The following POLG variants were observed in gnomAD, a reference collection of about 807,000 sequenced individuals.
POLG encodes the protein DNA polymerase subunit gamma-1.
A neutral mutation model predicts 155.4 loss-of-function variants in POLG; 110 were observed. That is an observed-to-expected ratio of 0.71 (90% CI 0.61 to 0.83). The LOEUF is 0.83. Among genes scored for constraint, POLG ranks in the 40% least tolerant of loss-of-function variants. The pLI, the probability that POLG is intolerant of heterozygous loss-of-function variation, is 0.00. For synonymous variants in POLG, 701 were observed against 631.5 expected (o/e 1.11, Z -1.65); for missense variants, 1,685 against 1,627.5 (o/e 1.04, Z -0.61).
chr15:89,321,722 C>A lies in POLG; in HGVS notation c.2598+14G>T. 1 of 1,579,966 alleles carries A rather than the reference C, an allele frequency of 6.3e-7. No homozygotes were observed. Among genetic ancestry groups the A allele is most frequent in the Non-Finnish European group, 8.7e-7 (1 of 1,149,480 alleles). ...AGAGGAAGAGCAGGGGCCAGAGGTACAGAGGTCACATACCCGGGCATTGCT... is the reference window on the plus strand; with the variant it reads ...AGAGGAAGAGCAGGGGCCAGAGGTAAAGAGGTCACATACCCGGGCATTGCT... On this transcript the variant is annotated intron_variant, in intron 16 of 22. Transcript: ENST00000268124.
intron 10 of POLG, 148 bp downstream of exon 10, chr15:89,325,302 G>GTGTGTGTT: frequency 1.5e-6 from 1 of 681,672 alleles, no homozygotes; most frequent in Non-Finnish European, 2.6e-6. Context: ...GAGAGAGGGT[G>GTGTGTGTT]TGTGTGTGTG....
At chr15:89,327,687 T>C (rs1027345214) in intron 6 of POLG, among the ~76,000 whole-genome samples, 12 of 152,208 alleles carry the variant, frequency 7.9e-5, no homozygotes, top group African/African-American at 2.4e-4. Flanking sequence ...AAAAACATCA[T>C]GCCTGAACCT....
rs796052885 is a variant in POLG at position 89,323,454 on chromosome 15, A to G, written c.2215T>C (p.Tyr739His). 6 of 1,613,934 alleles carry G rather than the reference A, an allele frequency of 3.7e-6. No individual in the cohort carries two copies. In the Admixed American group the frequency reaches 8.3e-5, roughly 22 times the overall value. The part of the protein sequence containing the change: ...QPSYHHGNGP[Y>H]NDVDIPGCWF... ...CAGCCAGGGATGTCCACGTCGTTGT[A>G]AGGTCCATTGCCATGGTGATAGCTG... Residue 739 changes from tyrosine to histidine, a missense_variant, in exon 13 of 23, where the codon TAC becomes CAC. Tyr to His is a moderately conservative substitution (Grantham distance 83). Around this residue, in one of 3 missense-constraint regions of POLG, gnomAD observed 1,210 missense variants for 1,167.1 expected, o/e 1.04. Coordinates refer to ENST00000268124, the MANE Select transcript of POLG (RefSeq NM_002693.3).
In POLG at chr15:89,318,990, T is replaced by A. The variant is rs1237483748; in HGVS notation, c.3214A>T (p.Thr1072Ser). The A allele has an allele frequency of 6.2e-7, 1 of 1,614,038 alleles. No homozygotes were observed. The highest frequency in any genetic ancestry group is 1.1e-5 in the South Asian group (1 of 91,072). ...CTGATGCAGCAGCCCAGCACCGGGG[T>A]ACGTGGTATGTCAGACGTAGCAATG... ...ESIATSDIPRTPVLGCCISRA... is the reference protein window; with the variant it reads ...ESIATSDIPRSPVLGCCISRA... Residue 1072 changes from threonine to serine, a missense_variant, in exon 20 of 23, where the codon ACC becomes TCC. Thr to Ser is a moderately conservative substitution (Grantham distance 58). Around this residue, in one of 3 missense-constraint regions of POLG, gnomAD observed 470 missense variants for 439.9 expected, o/e 1.07. Coordinates refer to ENST00000268124, the MANE Select transcript of POLG (RefSeq NM_002693.3).
In POLG at chr15:89,328,952, T is replaced by G; in HGVS notation, c.1014A>C (p.Arg338Ser). 1 of 1,614,102 alleles carries G rather than the reference T, an allele frequency of 6.2e-7. No individual in the cohort carries two copies. The highest frequency in any genetic ancestry group is 8.5e-7 in the Non-Finnish European group (1 of 1,180,040). Residue 338 changes from arginine to serine, a missense_variant, in exon 4 of 23, where the codon AGA becomes AGC. By Grantham distance (110) the Arg-to-Ser change is moderately radical. Around this residue, in one of 3 missense-constraint regions of POLG, gnomAD observed 1,210 missense variants for 1,167.1 expected, o/e 1.04. Transcript: ENST00000268124. The stretch of plus-strand genomic sequence containing the variant: ...GGCAGTGTGCTCTCACCGCTGGGCC[T>G]CTTCTGGCTTTCCTCTGGGACTTCT... ...QGQKSQRKAR[R>S]GPAISSWDWL...
chr15:89,320,131 C>A (rs1319840555), intron 18 of POLG, among the ~76,000 whole-genome samples: 1 of 152,264 alleles, frequency 6.6e-6, no homozygotes, highest in East Asian at 1.9e-4. Flanking sequence ...TTATCACATA[C>A]TTAACTTTTA....
intron 20 of POLG, 68 bp from the exon 21 acceptor site, chr15:89,318,817 C>A (rs958729328): frequency 1.9e-6 from 3 of 1,556,496 alleles, no homozygotes; most frequent in Non-Finnish European, 2.7e-6. Context: ...AGGGTAGAAG[C>A]CCCAAGAGAA....
At chr15:89,320,150 C>T (rs924517340) in intron 18 of POLG, among the ~76,000 whole-genome samples, 23 of 152,154 alleles carry the variant, frequency 1.5e-4, no homozygotes, top group East Asian at 9.6e-4. Flanking sequence ...TAGTTGTTGA[C>T]GAGAAAGTGA....
At chr15:89,327,502 C>G (rs2055538647) in intron 6 of POLG, among the ~76,000 whole-genome samples, 153 bp from the exon 7 acceptor site, 1 of 152,208 alleles carries the variant, frequency 6.6e-6, no homozygotes. Context: ...TGTTACTCAT[C>G]CCTGGGTAAG....
intron 1 of POLG, chr15:89,334,147 A>T (rs1018478443): frequency 3.0e-6 from 1 of 335,178 alleles, no homozygotes; most frequent in Admixed American, 4.7e-5. Context: ...CGAGTAAGAG[A>T]GCAGTATCTG....
intron 2 of POLG, among the ~76,000 whole-genome samples, chr15:89,330,596 G>C (rs1001205255): frequency 2.0e-5 from 3 of 152,170 alleles, no homozygotes; most frequent in African/African-American, 7.2e-5. Context: ...CGTTCACTGA[G>C]TCTGCATCTA....
At position 89,324,231 on chromosome 15, in the gene POLG, G is replaced by T; in HGVS notation, c.1950-4C>A. Reference sequence around the variant, plus strand: ...CCTGTACAGGGACTCGATGGCTCTGGGCAGAGAACAGTAGCAGCAGCAGCC... The same window carrying T: ...CCTGTACAGGGACTCGATGGCTCTGTGCAGAGAACAGTAGCAGCAGCAGCC... On this transcript the variant is annotated splice_polypyrimidine_tract_variant and splice_region_variant and intron_variant, in intron 10 of 22. Coordinates refer to ENST00000268124, the MANE Select transcript of POLG (RefSeq NM_002693.3). 6.2e-7 allele frequency: 1 copy of T among 1,612,126 alleles called. No individual in the cohort carries two copies. Among genetic ancestry groups the T allele is most frequent in the Non-Finnish European group, 8.5e-7 (1 of 1,180,018 alleles).
chr15:89,333,106 G>C lies in POLG; in HGVS notation c.649C>G (p.Pro217Ala). The change falls in exon 2 of 23, where the codon CCC (proline) becomes GCC (alanine). Residue 217 changes from proline (P) to alanine (A), a missense_variant. By Grantham distance (27) the Pro-to-Ala change is conservative. This residue lies in a region of POLG where 1,210 missense variants were observed against 1,167.1 expected (regional missense o/e 1.04). Coordinates refer to ENST00000268124, the MANE Select transcript of POLG (RefSeq NM_002693.3). ...TCPTLAVAIS[P>A]SAWYSWCSQR... ...CCTGCCCCTACTTACCAGGCCGAGG[G>C]GGATATGGCCACCGCCAATGTGGGG... The C allele has an allele frequency of 6.6e-7, 1 of 1,517,322 alleles. No individual in the cohort carries two copies. The highest frequency in any genetic ancestry group is 8.8e-7 in the Non-Finnish European group (1 of 1,132,748). 94.0% of individuals were successfully genotyped at this position (1,517,322 alleles called of 1,614,324 possible).
rs572636339 is a variant in POLG at position 89,317,358 on chromosome 15, C to G, written c.3643+18G>C. 13 of 1,613,500 alleles carry G rather than the reference C, an allele frequency of 8.1e-6. No individual in the cohort carries two copies. The African/African-American group carries it at 9.3e-5, about 12-fold the overall frequency. Reference sequence around the variant, plus strand: ...CTCAGATCCTATGTGTAATGAGGAACAAATGTGTTGTGCTCACCCTGGGGA... The same window carrying G: ...CTCAGATCCTATGTGTAATGAGGAAGAAATGTGTTGTGCTCACCCTGGGGA... On this transcript the variant is annotated intron_variant, in intron 22 of 22. Transcript: ENST00000268124.
In POLG at chr15:89,323,384, G is replaced by C; in HGVS notation, c.2265+20C>G. The C allele has an allele frequency of 1.3e-6, 2 of 1,508,438 alleles. No individual in the cohort carries two copies. The highest frequency in any genetic ancestry group is 1.8e-6 in the Non-Finnish European group (2 of 1,083,828). 93.4% of individuals were successfully genotyped at this position (1,508,438 alleles called of 1,614,324 possible). A position where few individuals can be genotyped will look rare whatever the true frequency, so the allele number is the denominator to read the frequency against. ...CAGAATGAGGAAACACCACAGGACA[G>C]GCCATGACCCAGGACACACCTTGTG... On this transcript the variant is annotated intron_variant, in intron 13 of 22. Coordinates refer to ENST00000268124, the MANE Select transcript of POLG (RefSeq NM_002693.3).
At position 89,326,753 on chromosome 15, in the gene POLG, G is replaced by T. The variant is rs1318374817; in HGVS notation, c.1586-15C>A. 1 of 1,614,066 alleles carries T rather than the reference G, an allele frequency of 6.2e-7. No individual in the cohort carries two copies. Among genetic ancestry groups the T allele is most frequent in the East Asian group, 2.2e-5 (1 of 44,872 alleles). ...GGGGCCGAGGTCTGTGAGGGTGGGGGAAGACAATCAGGAGCAGGAGAAGGA... is the reference window on the plus strand; with the variant it reads ...GGGGCCGAGGTCTGTGAGGGTGGGGTAAGACAATCAGGAGCAGGAGAAGGA... On this transcript the variant is annotated splice_polypyrimidine_tract_variant and intron_variant, in intron 8 of 22. Coordinates refer to ENST00000268124, the MANE Select transcript of POLG (RefSeq NM_002693.3).
chr15:89,334,039 G>A (rs2055636924), intron 1 of POLG, 126 bp from the exon 2 acceptor site: 1 of 507,688 alleles, frequency 2.0e-6, no homozygotes, highest in East Asian at 3.7e-5. Flanking sequence ...TGCATTTTCC[G>A]TTAAGCCTCA....
Position 89,326,725 on chromosome 15 carries a change from G to A in POLG, c.1599C>T (p.Cys533=). 1.2e-6 allele frequency: 2 copies of A among 1,614,076 alleles called. No homozygotes were observed. Among genetic ancestry groups the A allele is most frequent in the Non-Finnish European group, 1.7e-6 (2 of 1,180,032 alleles). The change falls in exon 9 of 23, where the codon TGC becomes TGT. Residue 533 remains cysteine, a synonymous_variant. Transcript: ENST00000268124. ...DPMDQEDLGP[C]SEEEEFQQDV... The stretch of plus-strand genomic sequence containing the variant: ...CTTGTTGAAACTCCTCCTCCTCACT[G>A]CAGGGGCCGAGGTCTGTGAGGGTGG...
chr15:89,317,000 G>A, intron 22 of POLG, 173 bp from the exon 23 acceptor site: 1 of 645,748 alleles, frequency 1.5e-6, no homozygotes, highest in Non-Finnish European at 2.8e-6. Flanking sequence ...TTATATAAGT[G>A]TGTCTTAGAT....
Sources: allele counts gnomAD v4.1 joint callset (sites outside exome capture counted in the v4.1 genomes callset), GRCh38; gene constraint gnomAD v4.1.1; regional missense constraint gnomAD v4.1.1; transcripts MANE v1.5; gene names NCBI Gene and HGNC (gene_info 2026-07-23, HGNC 2026-07-21).